ANKRD24: variants seen among roughly 807,000 people sequenced by gnomAD.
ANKRD24 encodes the protein ankyrin repeat domain-containing protein 24.
In ANKRD24, 109 loss-of-function variants were observed where a neutral mutation model predicts 127.8. The observed-to-expected ratio is 0.85, with a 90% CI of 0.73 to 1.00. ANKRD24 has a LOEUF of 1.00. ANKRD24 is among the 50% of genes least tolerant of loss of function. The pLI is 0.00. For synonymous variants in ANKRD24, 743 were observed against 671.1 expected (o/e 1.11, Z -1.66); for missense variants, 1,648 against 1,570.2 (o/e 1.05, Z -0.84).
Position 4,224,734 on chromosome 19 carries a change from C to A in ANKRD24, c.*229C>A. 1.8e-6 allele frequency: 1 copy of A among 569,780 alleles called. No homozygotes were observed. The highest frequency in any genetic ancestry group is 2.1e-5 in the South Asian group (1 of 47,438). The allele number at this position is 569,780 out of a possible 1,614,324, so 35.3% of individuals were successfully genotyped here. A position where few individuals can be genotyped will look rare whatever the true frequency, so the allele number is the denominator to read the frequency against. On this transcript the variant is annotated 3_prime_UTR_variant, in exon 22 of 22. Transcript: ENST00000318934. ...TGGACCCGGGCCGTGACTGCCCCTC[C>A]CCCACCACCGGAGACTGTGATTCCC... is the stretch of plus-strand genomic sequence containing the variant.
chr19:4,223,273 A>G lies in ANKRD24; in HGVS notation c.3297+478A>G, dbSNP rs73524656. 3.9e-3 allele frequency among the ~76,000 whole-genome samples: 595 copies of G among 150,754 alleles called. 4 individuals are homozygous for G. The highest frequency in any genetic ancestry group is 0.014 in the African/African-American group (562 of 40,874). On this transcript the variant is annotated intron_variant, in intron 20 of 21. Transcript: ENST00000318934. ...TTTGGACATAGGATCTTGCTCTATT[A>G]GGCTGGAGTGCAGTGGTGCAATCAT...
chr19:4,208,940 C>G, intron 11 of ANKRD24, 139 bp downstream of exon 11: 1 of 911,034 alleles, frequency 1.1e-6, no homozygotes, highest in East Asian at 2.9e-5. Flanking sequence ...TCAGGGTATG[C>G]TGCCACCAAG....
chr19:4,202,164 C>G (rs1019229353), intron 6 of ANKRD24, 74 bp downstream of exon 6: 2 of 1,360,704 alleles, frequency 1.5e-6, no homozygotes, highest in African/African-American at 1.4e-5. Context: ...CTTGAACCCC[C>G]AGATGCTCTA....
Position 4,216,347 on chromosome 19 carries a change from A to G in ANKRD24, c.1334A>G (p.Gln445Arg). 1.9e-6 allele frequency: 3 copies of G among 1,573,464 alleles called. No homozygotes were observed. Among genetic ancestry groups the G allele is most frequent in the Non-Finnish European group, 2.6e-6 (3 of 1,159,668 alleles). ...PSAQEHLASL[Q>R]EQVAVLTRQN... The stretch of plus-strand genomic sequence containing the variant: ...GCCCAGGAACACCTGGCCTCGCTGC[A>G]GGAACAGGTGGCTGTGCTCACCAGA... The change falls in exon 17 of 22, where the codon CAG (glutamine) becomes CGG (arginine). Residue 445 changes from glutamine (Q) to arginine (R), a missense_variant. By Grantham distance (43) the Gln-to-Arg change is conservative. Transcript: ENST00000318934.
chr19:4,209,130 A>G (rs1969555888), intron 11 of ANKRD24: 1 of 238,192 alleles, frequency 4.2e-6, no homozygotes, highest in African/African-American at 2.3e-5. Context: ...TTTTTCCCCG[A>G]GGTGGAGTCT....
chr19:4,218,073 G>A lies in ANKRD24; in HGVS notation c.2913G>A (p.Val971=), dbSNP rs770622444. 1.3e-6 allele frequency: 2 copies of A among 1,555,814 alleles called. No individual in the cohort carries two copies. The highest frequency in any genetic ancestry group is 1.7e-6 in the Non-Finnish European group (2 of 1,154,294). ...SVALSEHERI[V]GTLQANVAQL... Reference sequence around the variant, plus strand: ...CGCTCTCGGAGCACGAACGCATCGTGGGCACCCTGCAGGCCAACGTGGCCC... The same window carrying A: ...CGCTCTCGGAGCACGAACGCATCGTAGGCACCCTGCAGGCCAACGTGGCCC... The change falls in exon 18 of 22, where the codon GTG becomes GTA. Residue 971 remains valine (V), a synonymous_variant. Coordinates refer to ENST00000318934, the MANE Select transcript of ANKRD24 (RefSeq NM_001393985.1).
At chr19:4,193,297 C>CAAAAAAA (rs71166975) in intron 2 of ANKRD24, among the ~76,000 whole-genome samples, 7 of 90,654 alleles carry the variant, frequency 7.7e-5, no homozygotes, top group Non-Finnish European at 1.0e-4. Flanking sequence ...GCGACTCCAT[C>CAAAAAAA]AAAAAAAAAA....
rs1968938510 is a variant in ANKRD24 at position 4,199,152 on chromosome 19, A to G, written c.37-531A>G. 6.6e-6 allele frequency among the ~76,000 whole-genome samples: 1 copy of G among 151,962 alleles called. No homozygotes were observed. The highest frequency in any genetic ancestry group is 1.5e-5 in the Non-Finnish European group (1 of 67,980). On this transcript the variant is annotated intron_variant, in intron 2 of 21. Coordinates refer to ENST00000318934, the MANE Select transcript of ANKRD24 (RefSeq NM_001393985.1). The surrounding 1 kb of genome is among the most constrained non-coding windows in gnomAD (Gnocchi z 5.2). The stretch of plus-strand genomic sequence containing the variant: ...TTAAAGGGGACTTTTAGGGGTTCAG[A>G]TGGGACTTTGGAGGGTAGTTTGGAA...
At chr19:4,201,928 G>T (rs1433664562) in intron 5 of ANKRD24, 98 bp from the exon 6 acceptor site, 1 of 1,064,930 alleles carries the variant, frequency 9.4e-7, no homozygotes, top group East Asian at 2.4e-5. Flanking sequence ...GACTTTGCTA[G>T]ACTCAGAAAC....
chr19:4,210,322 C>T lies in ANKRD24; in HGVS notation c.1009C>T (p.Leu337=), dbSNP rs753906200. Residue 337 remains leucine (L), a synonymous_variant, in exon 13 of 22, where the codon CTG becomes TTG. Transcript: ENST00000318934. ...VRLRQERGRL[L]QKIRGLEQHK... is the part of the protein sequence containing the mutation. The stretch of plus-strand genomic sequence containing the variant: ...GCTGCGGCAGGAGAGGGGCCGCCTC[C>T]TGCAGAAGATCCGGGGCCTGGAACA... 4 of 1,581,594 alleles carry T rather than the reference C, an allele frequency of 2.5e-6. No individual in the cohort carries two copies. The highest frequency in any genetic ancestry group is 3.4e-6 in the Non-Finnish European group (4 of 1,164,684).
chr19:4,206,974 T>C (rs753179343), intron 7 of ANKRD24: 324 of 513,060 alleles, frequency 6.3e-4, no homozygotes, highest in Non-Finnish European at 1.0e-3. Context: ...GGTGCCATCA[T>C]GGTTCACTGC....
At chr19:4,218,213 C>A (rs753452873) in intron 18 of ANKRD24, 50 bp downstream of exon 18, 2 of 1,398,320 alleles carry the variant, frequency 1.4e-6, no homozygotes, top group Admixed American at 3.4e-5. Context: ...GGCCACGTGG[C>A]GGCCTGTTTT....
In ANKRD24 at chr19:4,200,017, C is replaced by T. The variant is rs574188339; in HGVS notation, c.254+12C>T. ...GAGGGCAAGTCCGCGTGAGTGCCCGCGACCCGGGAGTGAGATGGCTGAGGG... is the reference window on the plus strand; with the variant it reads ...GAGGGCAAGTCCGCGTGAGTGCCCGTGACCCGGGAGTGAGATGGCTGAGGG... On this transcript the variant is annotated intron_variant, in intron 4 of 21. Coordinates refer to ENST00000318934, the MANE Select transcript of ANKRD24 (RefSeq NM_001393985.1). The T allele has an allele frequency of 9.0e-6, 14 of 1,562,732 alleles. No individual in the cohort carries two copies. The Admixed American group carries it at 1.5e-4, about 17-fold the overall frequency.
At chr19:4,196,151 T>A (rs1968723094) in intron 2 of ANKRD24, among the ~76,000 whole-genome samples, 1 of 152,152 alleles carries the variant, frequency 6.6e-6, no homozygotes, top group Non-Finnish European at 1.5e-5. Context: ...CCACAGTGCT[T>A]CCTTGGTGCC....
rs748531244 is a variant in ANKRD24, at chr19:4,222,982, A to G, written c.3297+187A>G. ...TTTTTTTGAGACAGGGTCTCACTCCATCGCCCAGGCTGGAGTGCAGTGGCA... is the reference window on the plus strand; with the variant it reads ...TTTTTTTGAGACAGGGTCTCACTCCGTCGCCCAGGCTGGAGTGCAGTGGCA... On this transcript the variant is annotated intron_variant, in intron 20 of 21. Transcript: ENST00000318934. 4.7e-4 allele frequency among the ~76,000 whole-genome samples: 71 copies of G among 151,988 alleles called. 1 individual carries two copies. Among genetic ancestry groups the G allele is most frequent in the Admixed American group, 1.1e-3 (17 of 15,236 alleles).
intron 2 of ANKRD24, among the ~76,000 whole-genome samples, chr19:4,192,825 T>C (rs2145235535): frequency 6.6e-6 from 1 of 151,744 alleles, no homozygotes; most frequent in East Asian, 2.0e-4. Flanking sequence ...CTCCAGTTAC[T>C]CAGGAGGCTG....
intron 10 of ANKRD24, among the ~76,000 whole-genome samples, chr19:4,208,346 A>G (rs1969513113): frequency 6.6e-6 from 1 of 152,106 alleles, no homozygotes; most frequent in Non-Finnish European, 1.5e-5. Context: ...TCCACTAAAA[A>G]TACAAAAATT....
At chr19:4,194,616 G>A (rs887625112) in intron 2 of ANKRD24, among the ~76,000 whole-genome samples, 32 of 152,212 alleles carry the variant, frequency 2.1e-4, no homozygotes, top group Middle Eastern at 3.2e-3. Context: ...TTTAAGCTGA[G>A]TGAGGTCTCT....
intron 7 of ANKRD24, among the ~76,000 whole-genome samples, chr19:4,204,607 C>G (rs1969281379): frequency 6.6e-6 from 1 of 152,130 alleles, no homozygotes; most frequent in Non-Finnish European, 1.5e-5. Flanking sequence ...GGAAAGGGAC[C>G]CACCGACTTG....
Sources: gnomAD v4.1 joint callset for allele counts (sites outside exome capture counted in the v4.1 genomes callset) on GRCh38, gnomAD v4.1.1 for gene constraint, Gnocchi (gnomAD v3.1) non-coding constraint, MANE v1.5 for transcripts, NCBI Gene and HGNC (gene_info 2026-07-23, HGNC 2026-07-21) for gene names.